SMARCAD1: variants seen among roughly 807,000 people sequenced by gnomAD.
SMARCAD1 encodes SWI/SNF-related matrix-associated actin-dependent regulator of chromatin subfamily A containing DEAD/H box 1.
A neutral mutation model predicts 127.1 loss-of-function variants in SMARCAD1; 25 were observed. The observed-to-expected ratio is 0.20, with a 90% CI of 0.14 to 0.27. The LOEUF (loss-of-function observed/expected upper bound fraction) is 0.27. SMARCAD1 is among the 10% of genes least tolerant of loss of function. SMARCAD1 has a pLI of 1.00. For missense variants in SMARCAD1, 807 were observed against 1,206.0 expected (o/e 0.67, Z 4.90); for synonymous variants, 400 against 396.9 (o/e 1.01, Z -0.09).
intron 7 of SMARCAD1, among the ~76,000 whole-genome samples, chr4:94,250,538 AT>A (rs929150939): frequency 1.3e-5 from 2 of 152,120 alleles, no homozygotes; most frequent in Non-Finnish European, 2.9e-5. Context: ...ATGCAAAAAA[AT>A]GTCAAGTTTT....
intron 11 of SMARCAD1, among the ~76,000 whole-genome samples, chr4:94,273,185 G>T (rs565182610): frequency 6.6e-6 from 1 of 152,232 alleles, no homozygotes; most frequent in African/African-American, 2.4e-5. Context: ...CAACATAAGC[G>T]CTCATATCTC....
chr4:94,251,140 A>G (rs1332732360), intron 8 of SMARCAD1, among the ~76,000 whole-genome samples: 1 of 152,184 alleles, frequency 6.6e-6, no homozygotes, highest in Non-Finnish European at 1.5e-5. Flanking sequence ...CTTTTTAACA[A>G]CTGTCAGGAT....
rs112723670 is a variant in SMARCAD1, at chr4:94,275,336, C to G, written c.1808+371C>G. Among the ~76,000 whole-genome samples, 994 of 152,006 alleles carry G rather than the reference C, an allele frequency of 6.5e-3. 5 individuals are homozygous for G. Among genetic ancestry groups the G allele is most frequent in the Middle Eastern group, 0.054 (16 of 294 alleles). ...TAAATACAATGAAATTTCATTTTCT[C>G]AATGAAAAATTTGAGTTAGGGCAGA... On this transcript the variant is annotated intron_variant, in intron 14 of 23. Coordinates refer to ENST00000354268, the MANE Select transcript of SMARCAD1 (RefSeq NM_020159.5).
At chr4:94,212,495 T>C (rs988635612) in intron 2 of SMARCAD1, among the ~76,000 whole-genome samples, 3 of 151,338 alleles carry the variant, frequency 2.0e-5, no homozygotes, top group Admixed American at 2.0e-4. Flanking sequence ...TTATTTATTA[T>C]TATTTTTTTG....
chr4:94,286,957 C>T lies in SMARCAD1; in HGVS notation c.3019+1888C>T, dbSNP rs187997861. On this transcript the variant is annotated intron_variant, in intron 23 of 23. Transcript: ENST00000354268. Reference sequence around the variant, plus strand: ...TCCGCGCACTGCAAGCTCCGCCTCCCGGGTTCACACCATTCTCCTGCCTCA... The same window carrying T: ...TCCGCGCACTGCAAGCTCCGCCTCCTGGGTTCACACCATTCTCCTGCCTCA... Among the ~76,000 whole-genome samples, 15 of 152,236 alleles carry T rather than the reference C, an allele frequency of 9.9e-5. No homozygotes were observed. In the East Asian group the frequency reaches 2.9e-3, roughly 29 times the overall value.
Position 94,280,786 on chromosome 4 carries a change from A to G in SMARCAD1, c.2607+6A>G. On this transcript the variant is annotated splice_donor_region_variant and intron_variant, in intron 20 of 23. Coordinates refer to ENST00000354268, the MANE Select transcript of SMARCAD1 (RefSeq NM_020159.5). ...TGTCTGAATTGAAACAGAAGGTATT[A>G]AAAAAGAATGGCGTTTCTTTTGTAT... 6.2e-7 allele frequency: 1 copy of G among 1,612,862 alleles called. No homozygotes were observed. Among genetic ancestry groups the G allele is most frequent in the Non-Finnish European group, 8.5e-7 (1 of 1,179,302 alleles).
intron 3 of SMARCAD1, among the ~76,000 whole-genome samples, chr4:94,228,827 C>G (rs1745403775): frequency 6.6e-6 from 1 of 152,014 alleles, no homozygotes; most frequent in Non-Finnish European, 1.5e-5. Context: ...TCTCTTTAAA[C>G]TCATTTAATC....
In SMARCAD1 at chr4:94,242,265, G is replaced by A. The variant is rs1443656000; in HGVS notation, c.705+1259G>A. Among the ~76,000 whole-genome samples the A allele has an allele frequency of 3.3e-5, 5 of 151,352 alleles. No individual in the cohort carries two copies. The South Asian group carries it at 6.3e-4, about 19-fold the overall frequency. On this transcript the variant is annotated intron_variant, in intron 6 of 23. Coordinates refer to ENST00000354268, the MANE Select transcript of SMARCAD1 (RefSeq NM_020159.5). ...ACACCATGTTGGCCAGGCTGGTCTC[G>A]AACTCCTGACCTCAAGTGATCCACC...
rs1312079210 is a variant in SMARCAD1 at position 94,289,726 on chromosome 4, AAAG to A, written c.*196_*198del. 3.1e-5 allele frequency: 21 copies of A among 686,788 alleles called. No homozygotes were observed. Among genetic ancestry groups the A allele is most frequent in the East Asian group, 5.7e-5 (2 of 34,960 alleles). 42.5% of individuals were successfully genotyped at this position (686,788 alleles called of 1,614,324 possible). ...AAATACTCACACGTGAAATTTCAAA[AAAG>A]AAGCCACAAATATGTAGTTCTGAAG... On this transcript the variant is annotated 3_prime_UTR_variant, in exon 24 of 24. Coordinates refer to ENST00000354268, the MANE Select transcript of SMARCAD1 (RefSeq NM_020159.5).
At chr4:94,272,389 A>G (rs941678169) in intron 11 of SMARCAD1, among the ~76,000 whole-genome samples, 1 of 152,228 alleles carries the variant, frequency 6.6e-6, no homozygotes, top group Non-Finnish European at 1.5e-5. Context: ...CAGTATTTTA[A>G]TGATGTCTAA....
At chr4:94,243,507 A>G (rs574029923) in intron 6 of SMARCAD1, among the ~76,000 whole-genome samples, 4 of 152,228 alleles carry the variant, frequency 2.6e-5, no homozygotes, top group Non-Finnish European at 5.9e-5. Flanking sequence ...TTCTGTGGTC[A>G]ACCATTCTGC....
chr4:94,208,377 G>C lies in SMARCAD1; in HGVS notation c.-18G>C. 6.2e-7 allele frequency: 1 copy of C among 1,613,252 alleles called. No individual in the cohort carries two copies. Among genetic ancestry groups the C allele is most frequent in the Non-Finnish European group, 8.5e-7 (1 of 1,179,504 alleles). On this transcript the variant is annotated 5_prime_UTR_variant, in exon 2 of 24. Transcript: ENST00000354268. ...CATTTAAAGCCCCCATCCCTGCAAGGTGGTGCTTTCTACCAATATGAATCT... is the reference window on the plus strand; with the variant it reads ...CATTTAAAGCCCCCATCCCTGCAAGCTGGTGCTTTCTACCAATATGAATCT...
At chr4:94,244,787 CT>C (rs1748161803) in intron 6 of SMARCAD1, among the ~76,000 whole-genome samples, 1 of 151,526 alleles carries the variant, frequency 6.6e-6, no homozygotes, top group Non-Finnish European at 1.5e-5. Context: ...TTTAAAAATT[CT>C]TACAGTGTAT....
At chr4:94,209,333 T>C (rs1050650278) in intron 2 of SMARCAD1, among the ~76,000 whole-genome samples, 2 of 152,218 alleles carry the variant, frequency 1.3e-5, no homozygotes, top group Non-Finnish European at 2.9e-5. Context: ...TAGAGGTTAA[T>C]GTGAAATGAG....
At chr4:94,286,154 G>C (rs1754906536) in intron 23 of SMARCAD1, among the ~76,000 whole-genome samples, 2 of 152,142 alleles carry the variant, frequency 1.3e-5, no homozygotes, top group South Asian at 4.1e-4. Context: ...CTCCTGTGAA[G>C]TGAAGAGAGG....
Position 94,284,891 on chromosome 4 carries a change from A to C in SMARCAD1, c.2910-69A>C. On this transcript the variant is annotated intron_variant, in intron 22 of 23. Coordinates refer to ENST00000354268, the MANE Select transcript of SMARCAD1 (RefSeq NM_020159.5). The stretch of plus-strand genomic sequence containing the variant: ...TCAAAGTATTCTTTTTGAACTCTTA[A>C]ATATAGTTTACATATATCCAAATAA... The C allele has an allele frequency of 4.2e-6, 4 of 963,784 alleles. No individual in the cohort carries two copies. In the South Asian group the frequency reaches 5.6e-5, roughly 13 times the overall value. The allele number at this position is 963,784 out of a possible 1,614,324, so 59.7% of individuals were successfully genotyped here. A position where few individuals can be genotyped will look rare whatever the true frequency, so the allele number is the denominator to read the frequency against.
rs573401669 is a variant in SMARCAD1, at chr4:94,276,893, A to T, written c.1945-129A>T. 5 of 969,678 alleles carry T rather than the reference A, an allele frequency of 5.2e-6. No homozygotes were observed. In the East Asian group the frequency reaches 1.0e-4, roughly 20 times the overall value. The allele number at this position is 969,678 out of a possible 1,614,324, so 60.1% of individuals were successfully genotyped here. A position where few individuals can be genotyped will look rare whatever the true frequency, so the allele number is the denominator to read the frequency against. ...TATTTAAATTACTATATCATTTATC[A>T]CAGAATGTTAAATTATTAATAATGG... On this transcript the variant is annotated intron_variant, in intron 15 of 23. Transcript: ENST00000354268.
intron 10 of SMARCAD1, among the ~76,000 whole-genome samples, chr4:94,267,714 TAGTG>T (rs1343515447): frequency 6.6e-6 from 1 of 152,102 alleles, no homozygotes; most frequent in Non-Finnish European, 1.5e-5. Context: ...CTTTTTTCCT[TAGTG>T]AGAGATAAAA....
rs570907228 is a variant in SMARCAD1 at position 94,233,392 on chromosome 4, C to A, written c.369-562C>A. 3.3e-5 allele frequency among the ~76,000 whole-genome samples: 5 copies of A among 152,224 alleles called. No homozygotes were observed. In the South Asian group the frequency reaches 1.0e-3, roughly 32 times the overall value. On this transcript the variant is annotated intron_variant, in intron 3 of 23. Coordinates refer to ENST00000354268, the MANE Select transcript of SMARCAD1 (RefSeq NM_020159.5). Reference sequence around the variant, plus strand: ...GATAAACATATGAAGTTAAATAGAACAGGAATAAAGTTAGTTGTTGGAGAA... The same window carrying A: ...GATAAACATATGAAGTTAAATAGAAAAGGAATAAAGTTAGTTGTTGGAGAA...
Sources: gnomAD v4.1 joint callset for allele counts (sites outside exome capture counted in the v4.1 genomes callset) on GRCh38, gnomAD v4.1.1 for gene constraint, MANE v1.5 for transcripts, NCBI Gene and HGNC (gene_info 2026-07-23, HGNC 2026-07-21) for gene names.